Variants in CACNA2D3 observed in about 807,000 individuals in gnomAD.
CACNA2D3 encodes the protein voltage-dependent calcium channel subunit alpha-2/delta-3.
A neutral mutation model predicts 160.6 loss-of-function variants in CACNA2D3; 60 were observed. The observed-to-expected ratio is 0.37, with a 90% CI of 0.30 to 0.46. The LOEUF (loss-of-function observed/expected upper bound fraction) is 0.46, where lower values mean the gene tolerates loss of function less well. CACNA2D3 is among the 20% of genes least tolerant of loss of function. The pLI is 1.00. For synonymous variants in CACNA2D3, 558 were observed against 492.9 expected, an observed-to-expected ratio of 1.13 and a Z score of -1.75; for missense variants, 1,205 against 1,365.0, an observed-to-expected ratio of 0.88 and a Z score of 1.85.
intron 3 of CACNA2D3, among the ~76,000 whole-genome samples, chr3:54,330,388 C>T (rs1258594336): frequency 2.6e-5 from 4 of 151,918 alleles, no homozygotes; most frequent in Admixed American, 1.3e-4. Flanking sequence ...CTGCAAAGCC[C>T]GTGATGGATG....
intron 27 of CACNA2D3, chr3:54,918,654 G>C (rs746582709): frequency 6.2e-7 from 1 of 1,614,168 alleles, no homozygotes; most frequent in Non-Finnish European, 8.5e-7. Context: ...CATGACGCAG[G>C]TTGGCCGGCC....
At chr3:54,132,417 T>C (rs1215351057) in intron 2 of CACNA2D3, among the ~76,000 whole-genome samples, 1 of 152,250 alleles carries the variant, frequency 6.6e-6, no homozygotes. Flanking sequence ...TGGTAACTAA[T>C]TTAAAATTCC....
intron 31 of CACNA2D3, among the ~76,000 whole-genome samples, chr3:55,001,808 A>G (rs1352611043): frequency 2.0e-5 from 3 of 152,198 alleles, no homozygotes; most frequent in Non-Finnish European, 4.4e-5. Flanking sequence ...CATCTCTGTA[A>G]TTGTTTAATA....
intron 9 of CACNA2D3, among the ~76,000 whole-genome samples, chr3:54,600,858 T>G (rs1009875619): frequency 6.6e-6 from 1 of 151,452 alleles, no homozygotes; most frequent in East Asian, 1.9e-4. Context: ...TCTGGAGCCA[T>G]CCCTGTCATG....
chr3:54,252,895 C>T (rs1239542375), intron 2 of CACNA2D3, among the ~76,000 whole-genome samples: 5 of 151,438 alleles, frequency 3.3e-5, no homozygotes, highest in Admixed American at 1.3e-4. Flanking sequence ...ACACATAGTC[C>T]ATCTTTGCTT....
At chr3:54,509,023 G>T (rs1051965165) in intron 5 of CACNA2D3, among the ~76,000 whole-genome samples, 1 of 152,270 alleles carries the variant, frequency 6.6e-6, no homozygotes, top group East Asian at 1.9e-4. Context: ...TGCTGAATTT[G>T]GATTTGTCAG....
At chr3:54,496,468 G>T (rs2106931657) in intron 4 of CACNA2D3, among the ~76,000 whole-genome samples, 1 of 152,242 alleles carries the variant, frequency 6.6e-6, no homozygotes, top group Admixed American at 6.5e-5. Flanking sequence ...TAAAGTGTCT[G>T]TTCAAATCTT....
intron 9 of CACNA2D3, among the ~76,000 whole-genome samples, chr3:54,621,646 G>A (rs920139669): frequency 5.9e-5 from 9 of 152,156 alleles, no homozygotes; most frequent in Non-Finnish European, 1.5e-5. Context: ...GCTGTTCAGC[G>A]TCTCCCTGAC....
intron 9 of CACNA2D3, among the ~76,000 whole-genome samples, chr3:54,612,147 G>A (rs963843910): frequency 1.3e-5 from 2 of 152,142 alleles, no homozygotes; most frequent in African/African-American, 4.8e-5. Flanking sequence ...AGGAAGAGAG[G>A]GAAGTGAGGG....
intron 4 of CACNA2D3, among the ~76,000 whole-genome samples, chr3:54,420,140 A>G (rs1699815648): frequency 6.6e-6 from 1 of 151,766 alleles, no homozygotes; most frequent in East Asian, 1.9e-4. Flanking sequence ...GCTGGAGTTG[A>G]GTAGTGCAAT....
At chr3:54,331,255 T>A (rs1272196652) in intron 3 of CACNA2D3, among the ~76,000 whole-genome samples, 1 of 152,152 alleles carries the variant, frequency 6.6e-6, no homozygotes, top group Non-Finnish European at 1.5e-5. Flanking sequence ...TGGAGAAGTG[T>A]AGCCATCCTG....
At chr3:55,052,061 C>T (rs1056751829) in intron 35 of CACNA2D3, among the ~76,000 whole-genome samples, 1 of 152,182 alleles carries the variant, frequency 6.6e-6, no homozygotes, top group Non-Finnish European at 1.5e-5. Flanking sequence ...AAATGACTGT[C>T]TTCTGCGTTG....
At chr3:54,549,235 G>A (rs964536399) in intron 5 of CACNA2D3, among the ~76,000 whole-genome samples, 23 of 151,952 alleles carry the variant, frequency 1.5e-4, no homozygotes, top group African/African-American at 4.8e-4. Flanking sequence ...TCACGAGGTC[G>A]GGAGATCGAG....
chr3:54,179,038 C>T (rs889816176), intron 2 of CACNA2D3, among the ~76,000 whole-genome samples: 5 of 152,102 alleles, frequency 3.3e-5, no homozygotes, highest in African/African-American at 1.2e-4. Flanking sequence ...CTGCCCACAC[C>T]GTCAACCTTT....
chr3:54,288,476 C>T (rs1225890501), intron 2 of CACNA2D3, among the ~76,000 whole-genome samples: 2 of 152,152 alleles, frequency 1.3e-5, no homozygotes, highest in Admixed American at 6.5e-5. Context: ...GATTCACAGC[C>T]GAATTCTACC....
intron 2 of CACNA2D3, among the ~76,000 whole-genome samples, chr3:54,128,839 C>T (rs1307983101): frequency 6.6e-6 from 1 of 152,170 alleles, no homozygotes; most frequent in South Asian, 2.1e-4. Flanking sequence ...TTATAAAATG[C>T]CAACCTATGA....
intron 2 of CACNA2D3, among the ~76,000 whole-genome samples, chr3:54,127,380 C>T (rs147431059): frequency 1.9e-4 from 29 of 152,316 alleles, no homozygotes; most frequent in African/African-American, 6.5e-4. Context: ...TCTCTTTCCA[C>T]AGGACAGAGT....
chr3:54,192,983 C>A (rs1559877810), intron 2 of CACNA2D3, among the ~76,000 whole-genome samples: 3 of 152,208 alleles, frequency 2.0e-5, no homozygotes, highest in African/African-American at 7.2e-5. Flanking sequence ...CTTCAAATGT[C>A]TTTTCCCCCA....
intron 11 of CACNA2D3, among the ~76,000 whole-genome samples, chr3:54,731,659 G>A (rs1263128623): frequency 6.6e-6 from 1 of 151,996 alleles, no homozygotes; most frequent in Non-Finnish European, 1.5e-5. Context: ...TGTCTTTACT[G>A]GGGCAGAGTA....
Sources: gnomAD v4.1 joint callset for allele counts (sites outside exome capture counted in the v4.1 genomes callset) on GRCh38, gnomAD v4.1.1 for gene constraint, MANE v1.5 for transcripts, NCBI Gene and HGNC (gene_info 2026-07-23, HGNC 2026-07-21) for gene names.